GALNT13: variants seen among roughly 807,000 people sequenced by gnomAD.
GALNT13 encodes the protein polypeptide N-acetylgalactosaminyltransferase 13, also known as UDP-GalNAc:polypeptide N-acetylgalactosaminyltransferase 13.
Under a neutral mutation model 64.2 loss-of-function variants are expected in GALNT13, and 28 were observed. The ratio of observed to expected loss-of-function variants is 0.44; its 90% CI spans 0.32 to 0.60. The LOEUF is 0.60. GALNT13 is among the 20% of genes least tolerant of loss of function. The probability of loss-of-function intolerance (pLI) is 0.05; values close to 1 mark genes in which losing one functional copy is unlikely to be tolerated. For synonymous variants in GALNT13, 214 were observed against 224.6 expected, an observed-to-expected ratio of 0.95 and a Z score of 0.42; for missense variants, 577 against 669.8, an observed-to-expected ratio of 0.86 and a Z score of 1.53.
the GALNT13 span, among the ~76,000 whole-genome samples, chr2:153,618,614 TG>T: frequency 6.6e-6 from 1 of 151,956 alleles, no homozygotes; most frequent in Non-Finnish European, 1.5e-5. Context: ...ACACTGAAAT[TG>T]GCATGTTGAA....
intron 3 of GALNT13, among the ~76,000 whole-genome samples, chr2:154,012,065 C>T (rs1156875212): frequency 6.6e-6 from 1 of 152,120 alleles, no homozygotes; most frequent in Non-Finnish European, 1.5e-5. Flanking sequence ...ACCCAGTTTG[C>T]ATTCAAGATT....
chr2:153,947,891 C>A (rs1309855361), intron 3 of GALNT13, among the ~76,000 whole-genome samples: 1 of 152,106 alleles, frequency 6.6e-6, no homozygotes, highest in African/African-American at 2.4e-5. Flanking sequence ...TTTCAATTTT[C>A]TGCATATGCC....
chr2:154,126,967 T>C (rs1391140917), intron 3 of GALNT13, among the ~76,000 whole-genome samples: 1 of 152,160 alleles, frequency 6.6e-6, no homozygotes, highest in Non-Finnish European at 1.5e-5. Flanking sequence ...TGCAATGGAA[T>C]AAGAACCCAT....
intron 9 of GALNT13, among the ~76,000 whole-genome samples, chr2:154,333,477 C>G (rs1001518610): frequency 2.0e-5 from 3 of 151,964 alleles, no homozygotes; most frequent in African/African-American, 4.8e-5. Context: ...GTAGGAAACT[C>G]AATTACATTA....
At chr2:153,281,900 A>G in the GALNT13 span, among the ~76,000 whole-genome samples, 1 of 151,078 alleles carries the variant, frequency 6.6e-6, no homozygotes, top group Non-Finnish European at 1.5e-5. Flanking sequence ...ATATAATATC[A>G]CACAGGTTAG....
At chr2:153,438,768 A>G in the GALNT13 span, among the ~76,000 whole-genome samples, 1 of 152,024 alleles carries the variant, frequency 6.6e-6, no homozygotes, top group Admixed American at 6.6e-5. Flanking sequence ...CCATTGGTTC[A>G]GACTTCCTCC....
At chr2:153,402,503 G>T in the GALNT13 span, among the ~76,000 whole-genome samples, 10 of 151,934 alleles carry the variant, frequency 6.6e-5, no homozygotes, top group African/African-American at 2.4e-4. Context: ...AGTTCTCCTG[G>T]ATAATATCCT....
At chr2:154,253,378 T>G (rs955766868) in intron 7 of GALNT13, among the ~76,000 whole-genome samples, 23 of 152,230 alleles carry the variant, frequency 1.5e-4, no homozygotes, top group Non-Finnish European at 2.9e-4. Flanking sequence ...ATGTATTCTG[T>G]CACAATTTCT....
intron 3 of GALNT13, among the ~76,000 whole-genome samples, chr2:154,052,484 TTG>T (rs922720330): frequency 1.2e-4 from 18 of 152,296 alleles, no homozygotes; most frequent in African/African-American, 4.1e-4. Flanking sequence ...TCTTAGAATT[TTG>T]TGTTTCTTTT....
intron 3 of GALNT13, among the ~76,000 whole-genome samples, chr2:154,113,393 T>G (rs1271966537): frequency 6.6e-6 from 1 of 152,204 alleles, no homozygotes; most frequent in African/African-American, 2.4e-5. Flanking sequence ...GCCTTTCGGG[T>G]CACTTGATAA....
At chr2:153,601,189 T>C in the GALNT13 span, among the ~76,000 whole-genome samples, 1 of 151,722 alleles carries the variant, frequency 6.6e-6, no homozygotes, top group Non-Finnish European at 1.5e-5. Flanking sequence ...TGTCAATTTA[T>C]AGCACAGTAT....
chr2:154,203,717 T>C lies in GALNT13; in HGVS notation c.312-38313T>C, dbSNP rs576967994. On this transcript the variant is annotated intron_variant, in intron 4 of 12. Coordinates refer to ENST00000392825, the MANE Select transcript of GALNT13 (RefSeq NM_052917.4). ...TCTTTCTTGATTCTTTTCTTTGATT[T>C]ATACCACACCCTCAATTTCCACTAC... 2.6e-5 allele frequency among the ~76,000 whole-genome samples: 4 copies of C among 152,264 alleles called. No individual in the cohort carries two copies. The South Asian group carries it at 8.3e-4, about 32-fold the overall frequency.
the GALNT13 span, among the ~76,000 whole-genome samples, chr2:153,637,594 T>C: frequency 2.0e-5 from 3 of 152,176 alleles, no homozygotes; most frequent in East Asian, 1.9e-4. Context: ...AGCAAGTTTT[T>C]TGCATTTTCT....
At chr2:153,855,487 C>T in the GALNT13 span, among the ~76,000 whole-genome samples, 2 of 152,108 alleles carry the variant, frequency 1.3e-5, no homozygotes, top group African/African-American at 4.8e-5. Context: ...TGGAAAAATG[C>T]TCAAATGCTC....
chr2:154,057,294 G>A (rs1210434687), intron 3 of GALNT13, among the ~76,000 whole-genome samples: 1 of 152,096 alleles, frequency 6.6e-6, no homozygotes, highest in Non-Finnish European at 1.5e-5. Flanking sequence ...CCCCCAAAGT[G>A]GTGGGCTTAT....
the GALNT13 span, among the ~76,000 whole-genome samples, chr2:153,513,656 C>T: frequency 3.3e-5 from 5 of 152,092 alleles, no homozygotes; most frequent in Non-Finnish European, 7.3e-5. Flanking sequence ...GTTTCCATTC[C>T]CATACCTAGG....
At chr2:153,206,199 T>C in the GALNT13 span, among the ~76,000 whole-genome samples, 672 of 152,210 alleles carry the variant, frequency 4.4e-3, 2 homozygotes, top group Admixed American at 0.012. Flanking sequence ...TGAGGGTTTG[T>C]TGTGATATTT....
At chr2:153,477,539 G>C in the GALNT13 span, 1 of 152,282 alleles carries the variant, frequency 6.6e-6, no homozygotes, top group African/African-American at 2.4e-5. Context: ...TGCACTAAAA[G>C]AAACAACTCA....
chr2:153,661,376 C>T, the GALNT13 span, among the ~76,000 whole-genome samples: 1 of 152,084 alleles, frequency 6.6e-6, no homozygotes, highest in African/African-American at 2.4e-5. Context: ...AACTTAAAAA[C>T]AATACATGAT....
Sources: allele counts gnomAD v4.1 joint callset (sites outside exome capture counted in the v4.1 genomes callset), GRCh38; gene constraint gnomAD v4.1.1; transcripts MANE v1.5; gene names NCBI Gene and HGNC (gene_info 2026-07-23, HGNC 2026-07-21).